TADA3: variants seen among roughly 807,000 people sequenced by gnomAD.
TADA3 encodes the protein transcriptional adapter 3.
TADA3 carries 25 observed loss-of-function variants against 43.2 expected under a neutral mutation model. The observed-to-expected ratio is 0.58, with a 90% confidence interval of 0.42 to 0.81. The LOEUF (loss-of-function observed/expected upper bound fraction) is 0.81, where lower values mean the gene tolerates loss of function less well. Among genes scored for constraint, TADA3 ranks in the 30% least tolerant of loss-of-function variants. The pLI is 0.00. For missense variants in TADA3, 441 were observed against 567.8 expected (o/e 0.78, Z 2.27); for synonymous variants, 235 against 225.5 (o/e 1.04, Z -0.38).
At chr3:9,792,712 G>A (rs1575313838), upstream of TADA3, 3 of 1,234,434 alleles carry the variant, frequency 2.4e-6, no homozygotes, top group Non-Finnish European at 2.0e-6. Context: ...GCGGGTAGGA[G>A]GGGCGAGAGA....
rs368837023 is a variant in TADA3 at position 9,785,285 on chromosome 3, G to C, written c.920+31C>G. 1.4e-5 allele frequency: 21 copies of C among 1,551,236 alleles called. No individual in the cohort carries two copies. The African/African-American group carries it at 2.8e-4, about 21-fold the overall frequency. ...GAGAAGCCAACAGAAGCGGGGGCCA[G>C]ACTGTGGGTTGTGGATAGGACACCA... is the stretch of plus-strand genomic sequence containing the variant. On this transcript the variant is annotated intron_variant, in intron 7 of 8. Transcript: ENST00000301964.
At chr3:9,781,747 A>C (rs1469752187) in intron 8 of TADA3, 3 of 374,836 alleles carry the variant, frequency 8.0e-6, no homozygotes, top group Non-Finnish European at 1.6e-5. Flanking sequence ...GGGCTGCTTA[A>C]GGCCTTGCAG....
chr3:9,790,043 T>A, intron 2 of TADA3, 80 bp from the exon 3 acceptor site: 1 of 1,474,208 alleles, frequency 6.8e-7, no homozygotes, highest in South Asian at 1.4e-5. Flanking sequence ...TAAATTAGGA[T>A]CTAGAATCTA....
At chr3:9,792,992 C>T, upstream of TADA3, 1 of 1,472,492 alleles carries the variant, frequency 6.8e-7, no homozygotes, top group South Asian at 1.3e-5. Context: ...GCTCTCTACC[C>T]CGCTCGGAGC....
chr3:9,780,258 G>A lies in TADA3; in HGVS notation c.*99C>T. 1.5e-6 allele frequency: 2 copies of A among 1,324,198 alleles called. No individual in the cohort carries two copies. The highest frequency in any genetic ancestry group is 2.3e-4 in the Middle Eastern group (1 of 4,296). The allele number at this position is 1,324,198 out of a possible 1,614,324, so 82.0% of individuals were successfully genotyped here. Reference sequence around the variant, plus strand: ...CCCTCTAGAGACTGCCGCCATTTGAGGGACAGCCACAGGCCAATGTTTCCT... The same window carrying A: ...CCCTCTAGAGACTGCCGCCATTTGAAGGACAGCCACAGGCCAATGTTTCCT... On this transcript the variant is annotated 3_prime_UTR_variant, in exon 9 of 9. Transcript: ENST00000301964.
chr3:9,785,015 G>A (rs1344659567), intron 7 of TADA3, among the ~76,000 whole-genome samples: 5 of 151,758 alleles, frequency 3.3e-5, no homozygotes, highest in Non-Finnish European at 7.4e-5. Flanking sequence ...CTCTATACTT[G>A]CAGCTATATG....
intron 4 of TADA3, chr3:9,787,634 C>A (rs1181644932): frequency 8.2e-6 from 11 of 1,338,372 alleles, no homozygotes; most frequent in Non-Finnish European, 1.1e-5. Flanking sequence ...GCAATTGCCT[C>A]TCGAGAGAAT....
In TADA3 at chr3:9,789,757, G is replaced by A. The variant is rs750333465; in HGVS notation, c.414C>T (p.Asp138=). The change falls in exon 3 of 9, where the codon GAC becomes GAT. Residue 138 remains aspartate (D), a synonymous_variant. Transcript: ENST00000301964. ...PKIQEYEFTD[D]PIDVPRIPKN... is the part of the protein sequence containing the mutation. The stretch of plus-strand genomic sequence containing the variant: ...TGGGGATCCGTGGCACGTCGATAGG[G>A]TCATCAGTGAATTCATATTCCTGGA... 3 of 1,614,208 alleles carry A rather than the reference G, an allele frequency of 1.9e-6. No individual in the cohort carries two copies. Among genetic ancestry groups the A allele is most frequent in the Non-Finnish European group, 1.7e-6 (2 of 1,180,040 alleles).
At chr3:9,788,760 G>C (rs1262124097) in intron 4 of TADA3, among the ~76,000 whole-genome samples, 1 of 151,258 alleles carries the variant, frequency 6.6e-6, no homozygotes, top group Non-Finnish European at 1.5e-5. Flanking sequence ...GGCTGGTCTT[G>C]AACTCCTGAC....
chr3:9,784,744 A>T (rs1452792306), intron 7 of TADA3, among the ~76,000 whole-genome samples: 3 of 152,024 alleles, frequency 2.0e-5, no homozygotes, highest in Non-Finnish European at 4.4e-5. Context: ...AGGCGCCTGT[A>T]ATCACAGCTA....
intron 2 of TADA3, 74 bp downstream of exon 2, chr3:9,791,186 G>T: frequency 6.8e-7 from 1 of 1,467,068 alleles, no homozygotes; most frequent in Non-Finnish European, 9.3e-7. Context: ...TCAGCATATG[G>T]GGCTAACTCA....
At chr3:9,792,524 G>A, upstream of TADA3, 1 of 1,223,780 alleles carries the variant, frequency 8.2e-7, no homozygotes, top group Non-Finnish European at 1.0e-6. Context: ...AGTCAGCGAG[G>A]GCGAGCCTAC....
At position 9,791,484 on chromosome 3, in the gene TADA3, T is replaced by A; in HGVS notation, c.-18A>T. Reference sequence around the variant, plus strand: ...TCACTCATGGCCCAGGATATGGGGATCCTGTGGAGCTGGAGAGGACAGGGC... The same window carrying A: ...TCACTCATGGCCCAGGATATGGGGAACCTGTGGAGCTGGAGAGGACAGGGC... On this transcript the variant is annotated 5_prime_UTR_variant, in exon 2 of 9. Coordinates refer to ENST00000301964, the MANE Select transcript of TADA3 (RefSeq NM_006354.5). 6.3e-7 allele frequency: 1 copy of A among 1,589,574 alleles called. No homozygotes were observed. The highest frequency in any genetic ancestry group is 8.6e-7 in the Non-Finnish European group (1 of 1,163,128).
At chr3:9,790,493 G>A (rs1245686361) in intron 2 of TADA3, among the ~76,000 whole-genome samples, 1 of 152,276 alleles carries the variant, frequency 6.6e-6, no homozygotes, top group Non-Finnish European at 1.5e-5. Flanking sequence ...TGGTCACACT[G>A]GAATGACCAT....
In TADA3 at chr3:9,785,040, G is replaced by A. The variant is rs1310075970; in HGVS notation, c.920+276C>T. Among the ~76,000 whole-genome samples, 3 of 152,220 alleles carry A rather than the reference G, an allele frequency of 2.0e-5. No homozygotes were observed. In the East Asian group the frequency reaches 5.8e-4, roughly 29 times the overall value. ...GCAGCTATATGATTAATAGCCCCAAGTTATTTCATCATATGGAGTTATGCC... is the reference window on the plus strand; with the variant it reads ...GCAGCTATATGATTAATAGCCCCAAATTATTTCATCATATGGAGTTATGCC... On this transcript the variant is annotated intron_variant, in intron 7 of 8. Transcript: ENST00000301964.
intron 6 of TADA3, among the ~76,000 whole-genome samples, chr3:9,785,942 G>GT (rs555853526): frequency 0.18 from 25,991 of 143,856 alleles, 2,546 homozygotes; most frequent in African/African-American, 0.25. Context: ...GTTTTGTTTT[G>GT]TTTTTTTTTT....
chr3:9,792,567 C>G, upstream of TADA3: 1 of 1,228,722 alleles, frequency 8.1e-7, no homozygotes, highest in African/African-American at 1.6e-5. Flanking sequence ...GAAGGTGGGC[C>G]TCGAGCAAAG....
intron 8 of TADA3, chr3:9,783,814 G>A: frequency 1.3e-6 from 1 of 782,326 alleles, no homozygotes; most frequent in Non-Finnish European, 1.8e-6. Context: ...AAATCAATCG[G>A]TCAGTCACAG....
At chr3:9,788,135 G>C (rs1240455264) in intron 4 of TADA3, 1 of 170,948 alleles carries the variant, frequency 5.8e-6, no homozygotes, top group East Asian at 1.6e-4. Flanking sequence ...GAGCACATCT[G>C]ATCATGACAG....
Sources: allele counts gnomAD v4.1 joint callset (sites outside exome capture counted in the v4.1 genomes callset), GRCh38; gene constraint gnomAD v4.1.1; transcripts MANE v1.5; gene names NCBI Gene and HGNC (gene_info 2026-07-23, HGNC 2026-07-21).